ZFHX3: variants seen among roughly 807,000 people sequenced by gnomAD.
ZFHX3 encodes zinc finger homeobox 3.
A neutral mutation model predicts 279.1 loss-of-function variants in ZFHX3; 42 were observed. The ratio of observed to expected loss-of-function variants is 0.15; its 90% CI spans 0.12 to 0.19. The LOEUF is 0.19. Among genes scored for constraint, ZFHX3 ranks in the 10% least tolerant of loss-of-function variants. ZFHX3 has a pLI of 1.00. For missense variants in ZFHX3, 4,981 were observed against 4,754.0 expected (o/e 1.05, Z -1.40); for synonymous variants, 2,293 against 1,957.8 (o/e 1.17, Z -4.52).
At chr16:72,838,120 C>T in intron 4 of ZFHX3, among the ~76,000 whole-genome samples, 1 of 151,430 alleles carries the variant, frequency 6.6e-6, no homozygotes, top group South Asian at 2.1e-4. Flanking sequence ...CTCCTTACCG[C>T]CCCCACCCTG....
chr16:73,025,333 G>A (rs558281142), intron 1 of ZFHX3, among the ~76,000 whole-genome samples: 74 of 152,246 alleles, frequency 4.9e-4, no homozygotes, highest in Middle Eastern at 3.4e-3. Context: ...GAGGGGGCCC[G>A]GGAAGGGGAG....
chr16:73,187,370 C>T (rs1967937397), intron 5 of ZFHX3, among the ~76,000 whole-genome samples: 1 of 150,644 alleles, frequency 6.6e-6, no homozygotes, highest in South Asian at 2.1e-4. Flanking sequence ...TGGGCTGATG[C>T]AAACAGCAGA....
chr16:73,701,671 C>G (rs375102146), intron 1 of ZFHX3, among the ~76,000 whole-genome samples: 1 of 152,032 alleles, frequency 6.6e-6, no homozygotes, highest in Non-Finnish European at 1.5e-5. Context: ...TAATTATAAA[C>G]GCCTTTGCCT....
intron 1 of ZFHX3, among the ~76,000 whole-genome samples, chr16:73,743,132 A>T: frequency 6.6e-6 from 1 of 152,206 alleles, no homozygotes; most frequent in East Asian, 1.9e-4. Context: ...CATATTCTAC[A>T]AATTGAACTA....
intron 1 of ZFHX3, among the ~76,000 whole-genome samples, chr16:73,794,774 T>C (rs184276694): frequency 7.5e-4 from 114 of 152,356 alleles, no homozygotes; most frequent in Non-Finnish European, 1.2e-3. Flanking sequence ...TAGACGCTTT[T>C]ATCTCATTTA....
chr16:73,887,985 T>C (rs976525987), intron 1 of ZFHX3, among the ~76,000 whole-genome samples: 1 of 152,188 alleles, frequency 6.6e-6, no homozygotes, highest in African/African-American at 2.4e-5. Flanking sequence ...AACGGTTTAT[T>C]ATTCACAAGT....
At chr16:73,248,390 G>A (rs1407654484) in intron 5 of ZFHX3, among the ~76,000 whole-genome samples, 1 of 151,386 alleles carries the variant, frequency 6.6e-6, no homozygotes, top group African/African-American at 2.4e-5. Flanking sequence ...GTGTGTATAT[G>A]TTCATGTGTG....
chr16:73,426,157 G>A (rs2017806853), intron 3 of ZFHX3, among the ~76,000 whole-genome samples: 1 of 152,156 alleles, frequency 6.6e-6, no homozygotes, highest in Admixed American at 6.5e-5. Context: ...GATGGCCAGA[G>A]CTCACTGGTG....
chr16:73,740,531 G>A (rs377027743), intron 1 of ZFHX3, among the ~76,000 whole-genome samples: 10 of 151,232 alleles, frequency 6.6e-5, no homozygotes, highest in African/African-American at 1.9e-4. Context: ...CAAATCATAA[G>A]AAAAAGAAAA....
intron 2 of ZFHX3, among the ~76,000 whole-genome samples, chr16:73,509,530 T>C (rs2019387357): frequency 6.8e-6 from 1 of 146,354 alleles, no homozygotes. Context: ...CCTTTTTTTT[T>C]TTTTTTTTTT....
rs115255533 is a variant in ZFHX3 at position 73,606,227 on chromosome 16, G to C, written c.-1547+73953C>G. ...AAAAAAAAAAAAAAAATCCATGCTA[G>C]GCTGGCGTGGTGGCTCACGCCTGTA... On this transcript the variant is annotated intron_variant, in intron 2 of 17. Coordinates refer to the ZFHX3 transcript ENST00000641206. Among the ~76,000 whole-genome samples the C allele has an allele frequency of 9.1e-3, 1,347 of 148,452 alleles. 35 individuals are homozygous for C. Among genetic ancestry groups the C allele is most frequent in the African/African-American group, 0.031 (1,223 of 39,410 alleles).
At position 73,105,356 on chromosome 16, in the gene ZFHX3, CATATATATACACACAT is replaced by C. The variant is rs1300619181; in HGVS notation, c.-896-11774_-896-11759del. Among the ~76,000 whole-genome samples the C allele has an allele frequency of 2.2e-4, 27 of 120,072 alleles. 1 individual carries two copies. In the East Asian group the frequency reaches 5.0e-3, roughly 22 times the overall value. 78.8% of individuals were successfully genotyped at this position (120,072 alleles called of 152,430 possible). On this transcript the variant is annotated intron_variant, in intron 7 of 17. Transcript: ENST00000641206. The stretch of plus-strand genomic sequence containing the variant: ...ACACACGTGTGTATATATATATACA[CATATATATACACACAT>C]ATATATATATACACACACACACATA...
intron 8 of ZFHX3, among the ~76,000 whole-genome samples, chr16:73,070,502 T>C (rs1965808964): frequency 6.6e-6 from 1 of 152,196 alleles, no homozygotes; most frequent in Non-Finnish European, 1.5e-5. Flanking sequence ...ATCATATTCC[T>C]TGACTTGTAA....
intron 1 of ZFHX3, among the ~76,000 whole-genome samples, chr16:73,041,685 C>T (rs937288944): frequency 1.3e-5 from 2 of 152,136 alleles, no homozygotes; most frequent in African/African-American, 4.8e-5. Flanking sequence ...CTGCCGCACA[C>T]ACTGAAATCC....
intron 5 of ZFHX3, among the ~76,000 whole-genome samples, chr16:73,197,814 GGT>G (rs1235754052): frequency 6.6e-5 from 10 of 151,012 alleles, no homozygotes; most frequent in African/African-American, 2.4e-4. Flanking sequence ...TTCAGTTTAT[GGT>G]TATTACCCTG....
chr16:73,451,241 G>A (rs1056936244), intron 3 of ZFHX3, among the ~76,000 whole-genome samples: 3 of 152,178 alleles, frequency 2.0e-5, no homozygotes, highest in African/African-American at 7.2e-5. Flanking sequence ...CTTACACTAG[G>A]GGATATACTA....
chr16:73,546,321 G>T (rs558435070), intron 2 of ZFHX3, among the ~76,000 whole-genome samples: 1 of 152,028 alleles, frequency 6.6e-6, no homozygotes, highest in Admixed American at 6.6e-5. Flanking sequence ...GCATCCAATA[G>T]GTTTCTGGGA....
chr16:73,436,370 CCT>C (rs2017998221), intron 3 of ZFHX3, among the ~76,000 whole-genome samples: 1 of 152,062 alleles, frequency 6.6e-6, no homozygotes, highest in Non-Finnish European at 1.5e-5. Flanking sequence ...GCTGGGGAGG[CCT>C]CACAATCATG....
At chr16:73,579,453 C>T (rs2051834356) in intron 2 of ZFHX3, among the ~76,000 whole-genome samples, 1 of 151,870 alleles carries the variant, frequency 6.6e-6, no homozygotes, top group Non-Finnish European at 1.5e-5. Context: ...AAATACGTAT[C>T]ATACACATTA....
Sources: gnomAD v4.1 joint callset for allele counts (sites outside exome capture counted in the v4.1 genomes callset) on GRCh38, gnomAD v4.1.1 for gene constraint, MANE v1.5 for transcripts, NCBI Gene and HGNC (gene_info 2026-07-23, HGNC 2026-07-21) for gene names.